Variants in MDGA2 observed in about 807,000 individuals in gnomAD.
MDGA2 encodes MAM domain containing glycosylphosphatidylinositol anchor 2, also known as MAM domain-containing glycosylphosphatidylinositol anchor protein 2.
MDGA2 carries 40 observed loss-of-function variants against 117.8 expected under a neutral mutation model. The ratio of observed to expected loss-of-function variants is 0.34; its 90% CI spans 0.26 to 0.44. The LOEUF (loss-of-function observed/expected upper bound fraction) is 0.44. Ranked by LOEUF, MDGA2 falls within the 20% of genes least tolerant of loss-of-function variation. The probability of loss-of-function intolerance (pLI) is 1.00; values close to 1 mark genes in which losing one functional copy is unlikely to be tolerated. For synonymous variants in MDGA2, 452 were observed against 439.0 expected (o/e 1.03, Z -0.37); for missense variants, 1,123 against 1,250.6 (o/e 0.90, Z 1.54).
intron 1 of MDGA2, among the ~76,000 whole-genome samples, chr14:47,400,559 G>GCCTTC (rs1892112816): frequency 6.6e-6 from 1 of 151,088 alleles, no homozygotes; most frequent in Non-Finnish European, 1.5e-5. Context: ...CAACACATAA[G>GCCTTC]ACTTAAAACC....
At chr14:46,916,933 T>G (rs1372335300) in intron 10 of MDGA2, among the ~76,000 whole-genome samples, 3 of 152,012 alleles carry the variant, frequency 2.0e-5, no homozygotes, top group African/African-American at 4.8e-5. Flanking sequence ...GGTAAAGAGT[T>G]AGCTTCAAAA....
intron 6 of MDGA2, among the ~76,000 whole-genome samples, chr14:47,080,378 A>C (rs1890664110): frequency 6.6e-6 from 1 of 152,208 alleles, no homozygotes; most frequent in African/African-American, 2.4e-5. Context: ...TTCAGTGAGA[A>C]AATATAATTT....
In MDGA2 at chr14:46,841,237, A is replaced by C. The variant is rs973103198; in HGVS notation, c.*694T>G. 1.3e-5 allele frequency: 2 copies of C among 152,568 alleles called. No homozygotes were observed. Among genetic ancestry groups the C allele is most frequent in the African/African-American group, 4.8e-5 (2 of 41,444 alleles). The allele number at this position is 152,568 out of a possible 1,614,324, so 9.5% of individuals were successfully genotyped here. ...ATAAGCCTGTGTAACATGTAAGCCC[A>C]GGTTTACCATCCTGGATAGTAGTGC... is the stretch of plus-strand genomic sequence containing the variant. On this transcript the variant is annotated 3_prime_UTR_variant, in exon 17 of 17. Transcript: ENST00000399232.
At chr14:47,503,613 C>A (rs888898159) in intron 1 of MDGA2, among the ~76,000 whole-genome samples, 2 of 152,032 alleles carry the variant, frequency 1.3e-5, no homozygotes, top group Admixed American at 6.5e-5. Context: ...ACCGTGTTAG[C>A]CAGGATGGTC....
At position 46,957,443 on chromosome 14, in the gene MDGA2, T is replaced by C; in HGVS notation, c.2020A>G (p.Asn674Asp). Reference protein sequence around the residue: ...EYAVKSLSNENYGVYNCSIIN... With the variant: ...EYAVKSLSNEDYGVYNCSIIN... Reference sequence around the variant, plus strand: ...ATGCTACAGTTATAAACCCCATAGTTTTCATTGGAAAGACTCTTCACAGCG... The same window carrying C: ...ATGCTACAGTTATAAACCCCATAGTCTTCATTGGAAAGACTCTTCACAGCG... The change falls in exon 9 of 17, where the codon AAC (asparagine) becomes GAC (aspartate). Residue 674 changes from asparagine (N) to aspartate (D), a missense_variant. Transcript: ENST00000399232. 2.3e-5 allele frequency: 37 copies of C among 1,614,136 alleles called. No individual in the cohort carries two copies. The highest frequency in any genetic ancestry group is 3.1e-5 in the Non-Finnish European group (37 of 1,180,010).
At chr14:47,189,934 T>C (rs1384209477) in intron 3 of MDGA2, among the ~76,000 whole-genome samples, 3 of 152,138 alleles carry the variant, frequency 2.0e-5, no homozygotes, top group Non-Finnish European at 4.4e-5. Flanking sequence ...TGTGTTACAA[T>C]GCCCTAGTAA....
At chr14:46,900,557 C>T (rs1883245582) in intron 10 of MDGA2, among the ~76,000 whole-genome samples, 1 of 152,072 alleles carries the variant, frequency 6.6e-6, no homozygotes, top group African/African-American at 2.4e-5. Flanking sequence ...ATATATGCAA[C>T]AAGTTGGATA....
intron 2 of MDGA2, among the ~76,000 whole-genome samples, chr14:47,278,204 C>T (rs1248934967): frequency 6.6e-6 from 1 of 151,782 alleles, no homozygotes; most frequent in Non-Finnish European, 1.5e-5. Context: ...AAAGTTACTG[C>T]AATAACAGGG....
chr14:46,991,494 G>A (rs1887092278), intron 8 of MDGA2, among the ~76,000 whole-genome samples: 1 of 152,020 alleles, frequency 6.6e-6, no homozygotes, highest in Admixed American at 6.6e-5. Flanking sequence ...AAGAGTCAAA[G>A]CAGCAAAGTT....
intron 6 of MDGA2, among the ~76,000 whole-genome samples, chr14:47,063,500 T>C (rs1033532024): frequency 6.6e-6 from 1 of 152,104 alleles, no homozygotes; most frequent in South Asian, 2.1e-4. Flanking sequence ...GGCTGCCATA[T>C]TTGGTATATA....
At chr14:47,396,051 G>A (rs1296133124) in intron 1 of MDGA2, among the ~76,000 whole-genome samples, 1 of 152,138 alleles carries the variant, frequency 6.6e-6, no homozygotes, top group Non-Finnish European at 1.5e-5. Context: ...AAATTGAGGA[G>A]AAATAGTAGA....
chr14:46,998,235 C>A (rs1023713502), intron 8 of MDGA2, among the ~76,000 whole-genome samples: 1 of 151,902 alleles, frequency 6.6e-6, no homozygotes, highest in African/African-American at 2.4e-5. Flanking sequence ...CTTGATCCCA[C>A]GAGTTTGAGA....
chr14:47,233,565 G>C (rs1399011237), intron 2 of MDGA2, among the ~76,000 whole-genome samples: 1 of 152,094 alleles, frequency 6.6e-6, no homozygotes, highest in Non-Finnish European at 1.5e-5. Context: ...CATGTGATAT[G>C]TAGTATGAGT....
intron 12 of MDGA2, among the ~76,000 whole-genome samples, chr14:46,874,799 C>T (rs1882157314): frequency 6.6e-6 from 1 of 151,142 alleles, no homozygotes; most frequent in Admixed American, 6.6e-5. Flanking sequence ...ATTAAAAGAC[C>T]TTTTAAAGAC....
chr14:47,021,637 T>C (rs1888289394), intron 8 of MDGA2, among the ~76,000 whole-genome samples: 1 of 152,060 alleles, frequency 6.6e-6, no homozygotes, highest in South Asian at 2.1e-4. Context: ...ATGCAGTTTC[T>C]AGGAGATTTC....
Position 47,035,980 on chromosome 14 carries a change from A to G in MDGA2, c.1526-676T>C, listed in dbSNP as rs113057823. ...ATATATTTCAACGAATATAAAAATTATAATTTTGGTCTTGCGCGGTGGCTC... is the reference window on the plus strand; with the variant it reads ...ATATATTTCAACGAATATAAAAATTGTAATTTTGGTCTTGCGCGGTGGCTC... On this transcript the variant is annotated intron_variant, in intron 7 of 16. Coordinates refer to ENST00000399232, the MANE Select transcript of MDGA2 (RefSeq NM_001113498.3). Among the ~76,000 whole-genome samples, 40 of 152,262 alleles carry G rather than the reference A, an allele frequency of 2.6e-4. 2 individuals are homozygous for G. The highest frequency in any genetic ancestry group is 9.4e-4 in the African/African-American group (39 of 41,562).
intron 5 of MDGA2, among the ~76,000 whole-genome samples, chr14:47,115,911 C>T (rs1881303883): frequency 6.6e-6 from 1 of 152,000 alleles, no homozygotes; most frequent in African/African-American, 2.4e-5. Flanking sequence ...CTTTTCAACA[C>T]AGTAGTGTTA....
chr14:47,132,246 T>C (rs989843324), intron 4 of MDGA2, among the ~76,000 whole-genome samples: 3 of 151,868 alleles, frequency 2.0e-5, no homozygotes, highest in Non-Finnish European at 4.4e-5. Context: ...CAGACATCGA[T>C]GTGAGAAGAC....
At chr14:47,226,027 G>A (rs551120065) in intron 2 of MDGA2, among the ~76,000 whole-genome samples, 6 of 151,752 alleles carry the variant, frequency 4.0e-5, no homozygotes, top group Non-Finnish European at 4.4e-5. Flanking sequence ...AGTGGCTCAC[G>A]CCTGTTAACT....
Sources: allele counts gnomAD v4.1 joint callset (sites outside exome capture counted in the v4.1 genomes callset), GRCh38; gene constraint gnomAD v4.1.1; transcripts MANE v1.5; gene names NCBI Gene and HGNC (gene_info 2026-07-23, HGNC 2026-07-21).